Variants in TNRC6B observed in about 807,000 individuals in gnomAD.
TNRC6B encodes trinucleotide repeat-containing gene 6B protein.
In TNRC6B, 52 loss-of-function variants were observed where a neutral mutation model predicts 203.6. That is an observed-to-expected ratio of 0.26 (90% CI 0.20 to 0.32). The LOEUF (loss-of-function observed/expected upper bound fraction) is 0.32. Among genes scored for constraint, TNRC6B ranks in the 10% least tolerant of loss-of-function variants. The pLI is 1.00. For missense variants in TNRC6B, 1,923 were observed against 2,286.2 expected (o/e 0.84, Z 3.24); for synonymous variants, 838 against 845.7 (o/e 0.99, Z 0.16).
chr22:40,292,707 A>G (rs569490164), intron 12 of TNRC6B, among the ~76,000 whole-genome samples: 1 of 152,288 alleles, frequency 6.6e-6, no homozygotes, highest in East Asian at 1.9e-4. Flanking sequence ...CCTGGAGCCT[A>G]GTGGCGCTTT....
At chr22:40,195,463 CTT>C (rs559770815) in intron 1 of TNRC6B, among the ~76,000 whole-genome samples, 2 of 152,022 alleles carry the variant, frequency 1.3e-5, no homozygotes, top group East Asian at 3.9e-4. Context: ...GTCGTCTTCT[CTT>C]TTTTTTAATT....
At chr22:40,149,571 G>A (rs2068728435) in intron 3 of TNRC6B, among the ~76,000 whole-genome samples, 1 of 151,852 alleles carries the variant, frequency 6.6e-6, no homozygotes, top group South Asian at 2.1e-4. Flanking sequence ...TCAGGAGGCG[G>A]AGGCAGGAGA....
At chr22:40,124,349 G>T (rs1265381802) in intron 2 of TNRC6B, among the ~76,000 whole-genome samples, 3 of 147,992 alleles carry the variant, frequency 2.0e-5, no homozygotes, top group East Asian at 2.0e-4. Flanking sequence ...TTGAGACAGG[G>T]TCTCACTCTG....
chr22:40,232,273 C>T (rs1392353326), intron 1 of TNRC6B, among the ~76,000 whole-genome samples: 2 of 152,044 alleles, frequency 1.3e-5, no homozygotes, highest in African/African-American at 2.4e-5. Context: ...TTGCCTTGCC[C>T]GGTAATTGGA....
intron 3 of TNRC6B, among the ~76,000 whole-genome samples, chr22:40,130,139 C>T (rs907676329): frequency 1.3e-5 from 2 of 152,036 alleles, no homozygotes. Flanking sequence ...TGGAAGAGGA[C>T]TATGCATGTT....
chr22:40,155,139 C>A (rs1418692038), intron 3 of TNRC6B, among the ~76,000 whole-genome samples: 1 of 151,484 alleles, frequency 6.6e-6, no homozygotes, highest in East Asian at 1.9e-4. Context: ...GATGTTTATT[C>A]TTCTATTTTT....
intron 3 of TNRC6B, among the ~76,000 whole-genome samples, chr22:40,137,160 T>A (rs1967621420): frequency 1.3e-5 from 2 of 152,242 alleles, no homozygotes; most frequent in South Asian, 4.1e-4. Flanking sequence ...ACCCATTGTT[T>A]AATAAAGTCT....
At chr22:40,107,746 A>G (rs557029463) in intron 1 of TNRC6B, among the ~76,000 whole-genome samples, 1 of 152,124 alleles carries the variant, frequency 6.6e-6, no homozygotes, top group African/African-American at 2.4e-5. Flanking sequence ...ACTATCCAAC[A>G]TTGACTTTGA....
At position 40,301,309 on chromosome 22, in the gene TNRC6B, G is replaced by T; in HGVS notation, c.4096G>T (p.Gly1366Trp). The T allele has an allele frequency of 6.2e-7, 1 of 1,606,360 alleles. No individual in the cohort carries two copies. Among genetic ancestry groups the T allele is most frequent in the African/African-American group, 1.3e-5 (1 of 74,952 alleles). The change falls in exon 15 of 23, where the codon GGG (glycine) becomes TGG (tryptophan). Residue 1366 changes from glycine to tryptophan, a missense_variant. Gly to Trp is a radical substitution (Grantham distance 184). Coordinates refer to ENST00000454349, the MANE Select transcript of TNRC6B (RefSeq NM_001162501.2). ...GGGGCTCCCAGACCTTCAAACCAAAGGGCCAATACCTGGATATGGTTCTGG... is the reference window on the plus strand; with the variant it reads ...GGGGCTCCCAGACCTTCAAACCAAATGGCCAATACCTGGATATGGTTCTGG... ...NVGLPDLQTK[G>W]PIPGYGSGFS...
intron 1 of TNRC6B, among the ~76,000 whole-genome samples, chr22:40,069,154 C>A (rs1009678736): frequency 6.6e-6 from 1 of 152,106 alleles, no homozygotes; most frequent in Non-Finnish European, 1.5e-5. Flanking sequence ...GGCTGTAGTG[C>A]AGGTACAATC....
rs941102015 is a variant in TNRC6B at position 40,326,051 on chromosome 22, G to GTA, written c.*2819_*2820dup. 20 of 152,118 alleles carry GTA rather than the reference G, an allele frequency of 1.3e-4. No individual in the cohort carries two copies. The highest frequency in any genetic ancestry group is 1.2e-3 in the East Asian group (6 of 5,186). The allele number at this position is 152,118 out of a possible 1,614,324, so 9.4% of individuals were successfully genotyped here. ...TTAAAAAAAAAAGACCAAAAAGTGC[G>GTA]TATATATATACATATAAATATATAT... On this transcript the variant is annotated 3_prime_UTR_variant, in exon 23 of 23. Transcript: ENST00000454349.
intron 20 of TNRC6B, 68 bp from the exon 21 acceptor site, chr22:40,315,874 T>G (rs1007702202): frequency 2.2e-5 from 26 of 1,168,456 alleles, no homozygotes; most frequent in Non-Finnish European, 3.0e-5. Flanking sequence ...ATGAAAATCT[T>G]TCTCCCTCAT....
chr22:40,208,008 G>T (rs1284931676), intron 1 of TNRC6B, among the ~76,000 whole-genome samples: 1 of 151,758 alleles, frequency 6.6e-6, no homozygotes, highest in Non-Finnish European at 1.5e-5. Context: ...CAGCTACTCG[G>T]GAGGCTGAGG....
At position 40,067,290 on chromosome 22, in the gene TNRC6B, G is replaced by A. The variant is rs932897435; in HGVS notation, c.-121+22292G>A. On this transcript the variant is annotated intron_variant, in intron 1 of 23. Transcript: ENST00000301923. ...GTTTAATTAAAAGCTATTCATATAC[G>A]ATGTTGAATTCCAGTAGCATGAGCG... is the stretch of plus-strand genomic sequence containing the variant. Among the ~76,000 whole-genome samples, 12 of 152,144 alleles carry A rather than the reference G, an allele frequency of 7.9e-5. No homozygotes were observed. The South Asian group carries it at 8.3e-4, about 11-fold the overall frequency.
At chr22:40,268,594 G>A (rs1172066269) in intron 5 of TNRC6B, among the ~76,000 whole-genome samples, 1 of 152,084 alleles carries the variant, frequency 6.6e-6, no homozygotes, top group Non-Finnish European at 1.5e-5. Flanking sequence ...TTCAAACTGT[G>A]TGGAAAAGCA....
intron 1 of TNRC6B, among the ~76,000 whole-genome samples, chr22:40,081,161 C>A (rs1288954341): frequency 1.3e-5 from 2 of 152,152 alleles, no homozygotes; most frequent in Non-Finnish European, 2.9e-5. Flanking sequence ...ACGCTCAGCC[C>A]ATGCATAACT....
upstream of TNRC6B, among the ~76,000 whole-genome samples, chr22:40,174,215 G>A (rs1001117824): frequency 6.6e-6 from 1 of 151,586 alleles, no homozygotes; most frequent in African/African-American, 2.4e-5. Flanking sequence ...CCCAGCTGGA[G>A]GGTAGTGGCA....
At chr22:40,226,464 T>C (rs980828275) in intron 1 of TNRC6B, among the ~76,000 whole-genome samples, 7 of 152,188 alleles carry the variant, frequency 4.6e-5, no homozygotes, top group African/African-American at 1.7e-4. Context: ...ATCACTTGTT[T>C]GCAGTAGATA....
At chr22:40,121,862 C>T (rs1358743626) in intron 2 of TNRC6B, among the ~76,000 whole-genome samples, 1 of 152,224 alleles carries the variant, frequency 6.6e-6, no homozygotes, top group Non-Finnish European at 1.5e-5. Flanking sequence ...GGTCAAAATA[C>T]TGTGTGCCTA....
Sources: allele counts gnomAD v4.1 joint callset (sites outside exome capture counted in the v4.1 genomes callset), GRCh38; gene constraint gnomAD v4.1.1; transcripts MANE v1.5; gene names NCBI Gene and HGNC (gene_info 2026-07-23, HGNC 2026-07-21).